The following SLC16A7 variants were observed in gnomAD, a reference collection of about 807,000 sequenced individuals.
SLC16A7 encodes the protein solute carrier family 16 member 7.
In SLC16A7, 33 loss-of-function variants were observed where a neutral mutation model predicts 34.9. That is an observed-to-expected ratio of 0.94 (90% CI 0.72 to 1.26). The LOEUF is 1.26. Among genes scored for constraint, SLC16A7 ranks in the 50% most tolerant of loss-of-function variants. The pLI, the probability that SLC16A7 is intolerant of heterozygous loss-of-function variation, is 0.00. For synonymous variants in SLC16A7, 201 were observed against 206.6 expected (o/e 0.97, Z 0.23); for missense variants, 573 against 578.1 (o/e 0.99, Z 0.09).
At chr12:59,704,199 C>CAAAAAAAAAAAAAAAAAAGAAA (rs1873238621) in intron 2 of SLC16A7, among the ~76,000 whole-genome samples, 3 of 51,616 alleles carry the variant, frequency 5.8e-5, no homozygotes, top group African/African-American at 1.8e-4. Flanking sequence ...GACTCTGTCT[C>CAAAAAAAAAAAAAAAAAAGAAA]AAAAAAAAAA....
At chr12:59,641,210 A>G (rs752594032) in intron 1 of SLC16A7, among the ~76,000 whole-genome samples, 8 of 152,150 alleles carry the variant, frequency 5.3e-5, no homozygotes, top group Non-Finnish European at 8.8e-5. Context: ...TTTATCACAC[A>G]AGCTAAAGAA....
intron 3 of SLC16A7, among the ~76,000 whole-genome samples, chr12:59,713,460 A>G (rs998418500): frequency 6.6e-6 from 1 of 152,216 alleles, no homozygotes; most frequent in Non-Finnish European, 1.5e-5. Flanking sequence ...TAATTTTTAT[A>G]TTTTCATATG....
chr12:59,634,981 T>G (rs2136998535), intron 1 of SLC16A7, among the ~76,000 whole-genome samples: 1 of 152,232 alleles, frequency 6.6e-6, no homozygotes, highest in Non-Finnish European at 1.5e-5. Context: ...CACTTGAGAA[T>G]GCAACTACCC....
rs919239242 is a variant in SLC16A7 at position 59,783,454 on chromosome 12, G to A, written c.*3775G>A. 3.3e-5 allele frequency: 5 copies of A among 152,116 alleles called. No individual in the cohort carries two copies. The highest frequency in any genetic ancestry group is 3.3e-4 in the Admixed American group (5 of 15,250). 9.4% of individuals were successfully genotyped at this position (152,116 alleles called of 1,614,324 possible). A position where few individuals can be genotyped will look rare whatever the true frequency, so the allele number is the denominator to read the frequency against. On this transcript the variant is annotated 3_prime_UTR_variant, in exon 6 of 6. Coordinates refer to ENST00000547379, the MANE Select transcript of SLC16A7 (RefSeq NM_001270623.2). ...AAACTCAGGTTTACGTAACCAGAAA[G>A]ATCCCCGAGGTGTTCACTACCGTGC...
At chr12:59,660,190 A>G (rs1868766810) in intron 2 of SLC16A7, among the ~76,000 whole-genome samples, 2 of 151,976 alleles carry the variant, frequency 1.3e-5, no homozygotes, top group South Asian at 4.2e-4. Context: ...TTTATGCTAC[A>G]TCATAATAGT....
At chr12:59,763,091 A>T (rs571405840) in intron 3 of SLC16A7, among the ~76,000 whole-genome samples, 9 of 152,100 alleles carry the variant, frequency 5.9e-5, no homozygotes, top group Non-Finnish European at 1.2e-4. Flanking sequence ...TTTATAGCAG[A>T]TTCAATCAAA....
chr12:59,614,755 G>C (rs866680358), intron 1 of SLC16A7, among the ~76,000 whole-genome samples: 65 of 142,848 alleles, frequency 4.6e-4, no homozygotes, highest in African/African-American at 1.4e-3. Context: ...TTGGGAGGCC[G>C]AAGCGGGTGG....
chr12:59,720,890 T>C (rs1446426608), intron 3 of SLC16A7, among the ~76,000 whole-genome samples: 1 of 152,058 alleles, frequency 6.6e-6, no homozygotes, highest in East Asian at 1.9e-4. Flanking sequence ...CCATCTAAAC[T>C]TCAGATTCAA....
chr12:59,601,649 AT>A (rs1173919782), intron 1 of SLC16A7, among the ~76,000 whole-genome samples: 1 of 152,182 alleles, frequency 6.6e-6, no homozygotes, highest in African/African-American at 2.4e-5. Context: ...CTATAGACAG[AT>A]TAGGTAGCTT....
intron 2 of SLC16A7, among the ~76,000 whole-genome samples, chr12:59,686,332 A>C (rs1871166662): frequency 6.6e-6 from 1 of 152,052 alleles, no homozygotes; most frequent in East Asian, 1.9e-4. Context: ...CAGAATACTA[A>C]GTTCTGCACT....
chr12:59,729,409 G>A (rs765161635), intron 3 of SLC16A7, among the ~76,000 whole-genome samples: 19 of 152,146 alleles, frequency 1.2e-4, no homozygotes, highest in South Asian at 4.2e-4. Context: ...TCTCTGTTTC[G>A]GTTTCCCTGC....
chr12:59,741,803 G>C (rs1168723817), intron 3 of SLC16A7, among the ~76,000 whole-genome samples: 1 of 152,136 alleles, frequency 6.6e-6, no homozygotes, highest in Non-Finnish European at 1.5e-5. Context: ...TTTGTTGCCT[G>C]CCAGTCCTCC....
intron 3 of SLC16A7, among the ~76,000 whole-genome samples, chr12:59,765,543 C>A (rs1881512641): frequency 6.6e-6 from 1 of 152,186 alleles, no homozygotes; most frequent in African/African-American, 2.4e-5. Context: ...TTTCAGCTTT[C>A]TACATATGGC....
rs142953752 is a variant in SLC16A7, at chr12:59,687,630, A to G, written c.-30-17142A>G. ...CTGCAATCTCTTAGGGCTTACAATA[A>G]CAGATATTTATTTCTTGCCCATGCT... On this transcript the variant is annotated intron_variant, in intron 2 of 5. Coordinates refer to ENST00000547379, the MANE Select transcript of SLC16A7 (RefSeq NM_001270623.2). Among the ~76,000 whole-genome samples, 70 of 152,218 alleles carry G rather than the reference A, an allele frequency of 4.6e-4. 1 individual carries two copies. In the East Asian group the frequency reaches 0.013, roughly 27 times the overall value.
At chr12:59,690,576 A>G (rs564948054) in intron 2 of SLC16A7, among the ~76,000 whole-genome samples, 5 of 152,128 alleles carry the variant, frequency 3.3e-5, no homozygotes, top group Admixed American at 1.3e-4. Context: ...GAAAAAGCAT[A>G]TAAACAATGA....
At chr12:59,766,769 C>T (rs1261973669) in intron 3 of SLC16A7, among the ~76,000 whole-genome samples, 3 of 152,120 alleles carry the variant, frequency 2.0e-5, no homozygotes, top group African/African-American at 7.2e-5. Flanking sequence ...CGATGTTCAT[C>T]AAGGATATTG....
chr12:59,633,129 G>A (rs1880259263), intron 1 of SLC16A7, among the ~76,000 whole-genome samples: 2 of 151,958 alleles, frequency 1.3e-5, no homozygotes, highest in African/African-American at 4.8e-5. Flanking sequence ...TCAAAAATCT[G>A]CCATGTGCTT....
intron 2 of SLC16A7, among the ~76,000 whole-genome samples, chr12:59,670,787 A>T (rs1053295781): frequency 4.6e-5 from 7 of 152,194 alleles, no homozygotes; most frequent in African/African-American, 1.4e-4. Flanking sequence ...GGCAATCATG[A>T]TCTGTGGCTC....
chr12:59,641,462 T>C (rs1170787094), intron 1 of SLC16A7, among the ~76,000 whole-genome samples: 4 of 152,088 alleles, frequency 2.6e-5, no homozygotes, highest in Non-Finnish European at 5.9e-5. Context: ...ATGAAGTTTC[T>C]GCTTTGATAG....
Sources: gnomAD v4.1 joint callset for allele counts (sites outside exome capture counted in the v4.1 genomes callset) on GRCh38, gnomAD v4.1.1 for gene constraint, MANE v1.5 for transcripts, NCBI Gene and HGNC (gene_info 2026-07-23, HGNC 2026-07-21) for gene names.